Variants in NDUFA9 observed in about 807,000 individuals in gnomAD.
The protein encoded by NDUFA9 is NADH dehydrogenase [ubiquinone] 1 alpha subcomplex subunit 9, mitochondrial.
In NDUFA9, 23 loss-of-function variants were observed where a neutral mutation model predicts 45.9. That is an observed-to-expected ratio of 0.50 (90% CI 0.36 to 0.71). NDUFA9 has a LOEUF of 0.71. Among genes scored for constraint, NDUFA9 ranks in the 30% least tolerant of loss-of-function variants. NDUFA9 has a pLI of 0.00. For synonymous variants in NDUFA9, 176 were observed against 170.5 expected, an observed-to-expected ratio of 1.03 and a Z score of -0.25; for missense variants, 466 against 488.2, an observed-to-expected ratio of 0.95 and a Z score of 0.43.
rs1945778131 is a variant in NDUFA9, at chr12:4,654,517, G to C, written c.220+55G>C. ...CCATTGCCATTGATCAGGATTGCCT[G>C]ATGAGAAGCATGAGCTATGTTTCTC... is the stretch of plus-strand genomic sequence containing the variant. On this transcript the variant is annotated intron_variant, in intron 2 of 10. Coordinates refer to ENST00000266544, the MANE Select transcript of NDUFA9 (RefSeq NM_005002.5). 1.9e-6 allele frequency: 3 copies of C among 1,567,620 alleles called. No homozygotes were observed. The Admixed American group carries it at 5.2e-5, about 27-fold the overall frequency.
At chr12:4,686,339 A>G (rs1310065773) in intron 10 of NDUFA9, among the ~76,000 whole-genome samples, 2 of 152,066 alleles carry the variant, frequency 1.3e-5, no homozygotes, top group South Asian at 4.1e-4. Context: ...ATCTTTCCCT[A>G]TAAACAAGAT....
Position 4,693,197 on chromosome 12 carries a change from C to T in NDUFA9, c.*6089C>T, listed in dbSNP as rs1003335975. On this transcript the variant is annotated 3_prime_UTR_variant, in exon 11 of 11. Coordinates refer to ENST00000266544, the MANE Select transcript of NDUFA9 (RefSeq NM_005002.5). ...TATGTCCACAGCACCTAAAACAGTC[C>T]CAGACATCTGTTGAATAAATGAATG... The T allele has an allele frequency of 1.3e-5, 2 of 152,182 alleles. No homozygotes were observed. Among genetic ancestry groups the T allele is most frequent in the African/African-American group, 4.8e-5 (2 of 41,522 alleles). 9.4% of individuals were successfully genotyped at this position (152,182 alleles called of 1,614,324 possible). A position where few individuals can be genotyped will look rare whatever the true frequency, so the allele number is the denominator to read the frequency against.
intron 9 of NDUFA9, 29 bp from the exon 10 acceptor site, chr12:4,685,230 A>T: frequency 6.3e-7 from 1 of 1,580,590 alleles, no homozygotes. Context: ...GATGCTTATC[A>T]CATGTGCTAT....
chr12:4,649,576 C>T (rs1034977272), intron 1 of NDUFA9, among the ~76,000 whole-genome samples: 1 of 152,104 alleles, frequency 6.6e-6, no homozygotes, highest in Non-Finnish European at 1.5e-5. Flanking sequence ...ATTTTATGAC[C>T]TTGTGCAAAC....
chr12:4,670,577 T>C (rs1267231957), intron 8 of NDUFA9, among the ~76,000 whole-genome samples: 1 of 152,218 alleles, frequency 6.6e-6, no homozygotes, highest in Non-Finnish European at 1.5e-5. Context: ...GACACTGTTC[T>C]CTTTAAGCCA....
At chr12:4,685,449 C>G (rs1945979971) in intron 10 of NDUFA9, 124 bp downstream of exon 10, 7 of 864,008 alleles carry the variant, frequency 8.1e-6, no homozygotes, top group Non-Finnish European at 1.3e-5. Context: ...TGCAGTCAGC[C>G]CCTCTACTAG....
intron 7 of NDUFA9, 102 bp from the exon 8 acceptor site, chr12:4,669,639 C>T: frequency 1.4e-6 from 1 of 737,560 alleles, no homozygotes; most frequent in Non-Finnish European, 2.3e-6. Context: ...CTCCTTCCTT[C>T]CTTCCTTCCT....
At chr12:4,680,884 G>C (rs1006637906) in intron 8 of NDUFA9, among the ~76,000 whole-genome samples, 3 of 152,290 alleles carry the variant, frequency 2.0e-5, no homozygotes, top group East Asian at 1.9e-4. Flanking sequence ...TATAAGCACT[G>C]ATACTTATTA....
intron 8 of NDUFA9, among the ~76,000 whole-genome samples, chr12:4,680,472 G>A (rs1425756077): frequency 2.6e-5 from 4 of 152,126 alleles, no homozygotes; most frequent in African/African-American, 7.2e-5. Context: ...GGGCTTCAAT[G>A]TACCTTTGGC....
chr12:4,669,622 C>A, intron 7 of NDUFA9, 119 bp from the exon 8 acceptor site: 1 of 637,486 alleles, frequency 1.6e-6, no homozygotes, highest in South Asian at 2.1e-5. Context: ...TGTGGCCTTC[C>A]TCCTTTCTCC....
rs1054029074 is a variant in NDUFA9 at position 4,687,037 on chromosome 12, C to T, written c.1063C>T (p.Arg355Cys). 8.7e-6 allele frequency: 14 copies of T among 1,614,020 alleles called. No individual in the cohort carries two copies. The highest frequency in any genetic ancestry group is 3.3e-5 in the South Asian group (3 of 91,070). ...LELKAIEVLR[R>C]HRTYRWLSAE... ...ACTCAAGGCCATTGAGGTGCTGCGG[C>T]GTCATCGCACTTACCGCTGGCTGTC... The change falls in exon 11 of 11, where the codon CGT (arginine) becomes TGT (cysteine). Residue 355 changes from arginine (R) to cysteine (C), a missense_variant. Physicochemically the swap from Arg to Cys is radical, Grantham distance 180. Coordinates refer to ENST00000266544, the MANE Select transcript of NDUFA9 (RefSeq NM_005002.5).
At chr12:4,677,961 A>T (rs1326091125) in intron 8 of NDUFA9, among the ~76,000 whole-genome samples, 2 of 152,198 alleles carry the variant, frequency 1.3e-5, no homozygotes, top group Non-Finnish European at 2.9e-5. Flanking sequence ...TGCAGCCAGT[A>T]TACAGAAAAG....
At chr12:4,649,739 G>A (rs182934001) in intron 1 of NDUFA9, among the ~76,000 whole-genome samples, 4 of 152,310 alleles carry the variant, frequency 2.6e-5, no homozygotes, top group Non-Finnish European at 5.9e-5. Flanking sequence ...GGCAAAGTGC[G>A]TTGGGGTCTG....
chr12:4,658,884 C>A, intron 4 of NDUFA9, 152 bp from the exon 5 acceptor site: 1 of 787,930 alleles, frequency 1.3e-6, no homozygotes, highest in Non-Finnish European at 1.9e-6. Context: ...GCCACCACAC[C>A]TGGCCAAATT....
Position 4,689,797 on chromosome 12 carries a change from C to G in NDUFA9, c.*2689C>G, listed in dbSNP as rs1401149400. 5.6e-6 allele frequency: 1 copy of G among 179,850 alleles called. No homozygotes were observed. Among genetic ancestry groups the G allele is most frequent in the Middle Eastern group, 2.4e-3 (1 of 418 alleles). 11.1% of individuals were successfully genotyped at this position (179,850 alleles called of 1,614,324 possible). ...ACCACCATCGTCATCATGGCCCGTT[C>G]TCAATGAGCTGTTGGGTACACCTCC... On this transcript the variant is annotated 3_prime_UTR_variant, in exon 11 of 11. Coordinates refer to ENST00000266544, the MANE Select transcript of NDUFA9 (RefSeq NM_005002.5).
At chr12:4,663,245 T>C (rs1241707003) in intron 6 of NDUFA9, among the ~76,000 whole-genome samples, 3 of 152,196 alleles carry the variant, frequency 2.0e-5, no homozygotes, top group Non-Finnish European at 4.4e-5. Context: ...GATGTTTCTA[T>C]CTTGTTTTTC....
intron 1 of NDUFA9, among the ~76,000 whole-genome samples, chr12:4,652,591 T>C (rs1235812977): frequency 6.6e-6 from 1 of 152,222 alleles, no homozygotes; most frequent in African/African-American, 2.4e-5. Flanking sequence ...TGAAACAGTT[T>C]CTTATTTTGG....
rs1341667834 is a variant in NDUFA9, at chr12:4,665,762, A to G, written c.656-2695A>G. ...TTATTTTCTGTTTTTTTTTTTTTTT[A>G]TAATAGCCATCCTAATAGTTCTAAG... is the stretch of plus-strand genomic sequence containing the variant. On this transcript the variant is annotated intron_variant, in intron 6 of 10. Coordinates refer to ENST00000266544, the MANE Select transcript of NDUFA9 (RefSeq NM_005002.5). Among the ~76,000 whole-genome samples the G allele has an allele frequency of 4.8e-5, 4 of 83,206 alleles. No homozygotes were observed. In the South Asian group the frequency reaches 1.1e-3, roughly 24 times the overall value. 54.6% of individuals were successfully genotyped at this position (83,206 alleles called of 152,430 possible). A position where few individuals can be genotyped will look rare whatever the true frequency, so the allele number is the denominator to read the frequency against.
chr12:4,669,682 A>G (rs1369716794), intron 7 of NDUFA9, 59 bp from the exon 8 acceptor site: 2 of 1,087,816 alleles, frequency 1.8e-6, no homozygotes, highest in African/African-American at 1.6e-5. Flanking sequence ...CTATCTCTCC[A>G]TCTCCCATTC....
Sources: allele counts gnomAD v4.1 joint callset (sites outside exome capture counted in the v4.1 genomes callset), GRCh38; gene constraint gnomAD v4.1.1; transcripts MANE v1.5; gene names NCBI Gene and HGNC (gene_info 2026-07-23, HGNC 2026-07-21).